The following SIM1 variants were observed in gnomAD, a reference collection of about 807,000 sequenced individuals.
SIM1 encodes the protein single-minded homolog 1.
A neutral mutation model predicts 78.2 loss-of-function variants in SIM1; 18 were observed. That is an observed-to-expected ratio of 0.23 (90% CI 0.16 to 0.34). The LOEUF is 0.34. Among genes scored for constraint, SIM1 ranks in the 10% least tolerant of loss-of-function variants. The probability of loss-of-function intolerance (pLI) is 1.00; values close to 1 mark genes in which losing one functional copy is unlikely to be tolerated. For missense variants in SIM1, 939 were observed against 975.1 expected (o/e 0.96, Z 0.49); for synonymous variants, 417 against 385.2 (o/e 1.08, Z -0.97).
intron 9 of SIM1, among the ~76,000 whole-genome samples, chr6:100,446,645 G>A (rs769881553): frequency 6.6e-6 from 1 of 152,238 alleles, no homozygotes; most frequent in Non-Finnish European, 1.5e-5. Context: ...CGCGCCCGCA[G>A]GTGGCACCCA....
At chr6:100,461,669 A>G (rs1254695832) in intron 2 of SIM1, among the ~76,000 whole-genome samples, 1 of 152,204 alleles carries the variant, frequency 6.6e-6, no homozygotes, top group African/African-American at 2.4e-5. Flanking sequence ...CTTTATTTTT[A>G]TAAAGTAGGC....
At chr6:100,448,316 C>T in intron 7 of SIM1, 64 bp from the exon 8 acceptor site, 1 of 1,414,440 alleles carries the variant, frequency 7.1e-7, no homozygotes. Context: ...TCCCCACACA[C>T]CCTCGACAGC....
intron 10 of SIM1, among the ~76,000 whole-genome samples, chr6:100,397,281 A>G (rs536543469): frequency 1.3e-5 from 2 of 152,318 alleles, no homozygotes; most frequent in Admixed American, 1.3e-4. Flanking sequence ...ATCTGTCCAC[A>G]TATTCTGCCC....
At chr6:100,393,917 A>G (rs1770708975) in intron 10 of SIM1, 28 bp from the exon 11 acceptor site, 3 of 1,514,436 alleles carry the variant, frequency 2.0e-6, no homozygotes, top group Non-Finnish European at 2.7e-6. Flanking sequence ...AGAAAAGTCC[A>G]TTTCAAAAAT....
chr6:100,453,131 T>G (rs1772557099), intron 3 of SIM1, among the ~76,000 whole-genome samples: 2 of 152,236 alleles, frequency 1.3e-5, no homozygotes, highest in Non-Finnish European at 2.9e-5. Flanking sequence ...AAGTTAAAAC[T>G]GTGAGCACTA....
intron 10 of SIM1, among the ~76,000 whole-genome samples, chr6:100,403,504 G>C (rs1770979841): frequency 6.6e-6 from 1 of 152,190 alleles, no homozygotes; most frequent in South Asian, 2.1e-4. Context: ...GGCATGCCAG[G>C]TGATAGGAGA....
chr6:100,461,581 C>T (rs928688134), intron 2 of SIM1, among the ~76,000 whole-genome samples: 1 of 152,220 alleles, frequency 6.6e-6, no homozygotes, highest in Non-Finnish European at 1.5e-5. Flanking sequence ...GAAAGGGAGC[C>T]CACTGAGACC....
intron 9 of SIM1, among the ~76,000 whole-genome samples, chr6:100,429,985 A>C (rs1220317102): frequency 6.6e-6 from 1 of 152,180 alleles, no homozygotes; most frequent in Non-Finnish European, 1.5e-5. Context: ...CCTACCTTAT[A>C]GAATGATCTG....
chr6:100,439,828 T>G (rs1772160109), intron 9 of SIM1, among the ~76,000 whole-genome samples: 1 of 152,164 alleles, frequency 6.6e-6, no homozygotes, highest in Admixed American at 6.5e-5. Flanking sequence ...ACAAAGAAAG[T>G]GCTCAATAAA....
chr6:100,452,940 A>G (rs1162357496), intron 3 of SIM1, among the ~76,000 whole-genome samples: 1 of 152,162 alleles, frequency 6.6e-6, no homozygotes, highest in African/African-American at 2.4e-5. Context: ...CACAGGGAGA[A>G]CTTGCTTAGA....
Position 100,457,544 on chromosome 6 carries a change from A to G in SIM1, c.176-3700T>C, listed in dbSNP as rs3778031. 1.9e-4 allele frequency among the ~76,000 whole-genome samples: 29 copies of G among 152,322 alleles called. No homozygotes were observed. In the East Asian group the frequency reaches 5.2e-3, roughly 27 times the overall value. On this transcript the variant is annotated intron_variant, in intron 2 of 11. Coordinates refer to ENST00000369208, the MANE Select transcript of SIM1 (RefSeq NM_005068.3). ...CCTGCCGGGCCTGCACATCCTCGCT[A>G]AATGTGTACTGTGCAAGTCTTCCCC... is the stretch of plus-strand genomic sequence containing the variant.
intron 9 of SIM1, among the ~76,000 whole-genome samples, chr6:100,424,900 A>G (rs976878129): frequency 9.2e-5 from 14 of 152,214 alleles, no homozygotes; most frequent in African/African-American, 3.4e-4. Flanking sequence ...TCACTTTGGT[A>G]GTGATTACAA....
intron 9 of SIM1, among the ~76,000 whole-genome samples, chr6:100,432,404 G>A (rs183400194): frequency 3.6e-4 from 55 of 152,184 alleles, no homozygotes; most frequent in African/African-American, 1.3e-3. Context: ...CATACTTTGA[G>A]AGCTAAACCA....
chr6:100,418,923 T>A (rs1225668241), intron 10 of SIM1, among the ~76,000 whole-genome samples: 1 of 149,584 alleles, frequency 6.7e-6, no homozygotes, highest in African/African-American at 2.4e-5. Context: ...ATCCCAGACT[T>A]TGGGAGGCTG....
rs117003629 is a variant in SIM1, at chr6:100,439,491, A to C, written c.998+7777T>G. On this transcript the variant is annotated intron_variant, in intron 9 of 11. Coordinates refer to ENST00000369208, the MANE Select transcript of SIM1 (RefSeq NM_005068.3). ...TTCGATGGAACTCTTCTATTTCACC[A>C]ACTAAATTGTCAACTGCTTGATAAA... Among the ~76,000 whole-genome samples, 43 of 152,236 alleles carry C rather than the reference A, an allele frequency of 2.8e-4. No homozygotes were observed. In the East Asian group the frequency reaches 7.9e-3, roughly 28 times the overall value.
rs934528652 is a variant in SIM1, at chr6:100,420,827, C to G, written c.1130G>C (p.Ser377Thr). 1 of 1,614,114 alleles carries G rather than the reference C, an allele frequency of 6.2e-7. No individual in the cohort carries two copies. Among genetic ancestry groups the G allele is most frequent in the African/African-American group, 1.3e-5 (1 of 75,026 alleles). The change falls in exon 10 of 12, where the codon AGC (serine) becomes ACC (threonine). Residue 377 changes from serine (S) to threonine (T), a missense_variant. This residue lies in a region of SIM1 where 556 missense variants were observed against 521.9 expected (regional missense o/e 1.07). Transcript: ENST00000369208. ...NRKGAKSRLS[S>T]SKSKSRTSPY... ...GGAAGTCCTGGATTTTGACTTTGAG[C>G]TGGAGAGCCGGGATTTGGCCCCCTT...
At chr6:100,451,561 A>T (rs1772513635) in intron 3 of SIM1, among the ~76,000 whole-genome samples, 1 of 152,204 alleles carries the variant, frequency 6.6e-6, no homozygotes, top group Admixed American at 6.5e-5. Flanking sequence ...CAGAATGCAG[A>T]CAGTGATCTG....
intron 9 of SIM1, 123 bp from the exon 10 acceptor site, chr6:100,421,081 C>T: frequency 1.1e-6 from 1 of 899,858 alleles, no homozygotes; most frequent in Non-Finnish European, 1.7e-6. Flanking sequence ...AGCCCTATAA[C>T]TAGCTTCCAC....
intron 9 of SIM1, among the ~76,000 whole-genome samples, chr6:100,443,594 A>G (rs1772271629): frequency 6.6e-6 from 1 of 152,132 alleles, no homozygotes; most frequent in Non-Finnish European, 1.5e-5. Context: ...ACCAATGAGT[A>G]CTTGACGAAC....
Sources: allele counts gnomAD v4.1 joint callset (sites outside exome capture counted in the v4.1 genomes callset), GRCh38; gene constraint gnomAD v4.1.1; regional missense constraint gnomAD v4.1.1; transcripts MANE v1.5; gene names NCBI Gene and HGNC (gene_info 2026-07-23, HGNC 2026-07-21).